MYCBP2: variants seen among roughly 807,000 people sequenced by gnomAD.
MYCBP2 encodes E3 ubiquitin-protein ligase MYCBP2.
A neutral mutation model predicts 525.3 loss-of-function variants in MYCBP2; 120 were observed. That is an observed-to-expected ratio of 0.23 (90% CI 0.20 to 0.27). The LOEUF (loss-of-function observed/expected upper bound fraction) is 0.27, where lower values mean the gene tolerates loss of function less well. Among genes scored for constraint, MYCBP2 ranks in the 10% least tolerant of loss-of-function variants. The pLI is 1.00. For missense variants in MYCBP2, 4,149 were observed against 5,657.1 expected, an observed-to-expected ratio of 0.73 and a Z score of 8.55; for synonymous variants, 1,894 against 1,955.8, an observed-to-expected ratio of 0.97 and a Z score of 0.83.
At chr13:77,176,443 T>A (rs1451016768) in intron 36 of MYCBP2, 54 bp downstream of exon 36, 3 of 1,445,646 alleles carry the variant, frequency 2.1e-6, no homozygotes, top group Non-Finnish European at 2.8e-6. Flanking sequence ...CTTCACTATT[T>A]TAACTACATA....
chr13:77,229,230 C>A (rs936009810), intron 18 of MYCBP2, among the ~76,000 whole-genome samples: 1 of 152,078 alleles, frequency 6.6e-6, no homozygotes, highest in Non-Finnish European at 1.5e-5. Context: ...TCATCAGGTT[C>A]CTATGAGAAT....
chr13:77,158,118 T>TA lies in MYCBP2; in HGVS notation c.6598-10dup. The TA allele has an allele frequency of 6.6e-7, 1 of 1,520,600 alleles. No individual in the cohort carries two copies. The highest frequency in any genetic ancestry group is 1.8e-4 in the Middle Eastern group (1 of 5,702). The allele number at this position is 1,520,600 out of a possible 1,614,324, so 94.2% of individuals were successfully genotyped here. On this transcript the variant is annotated splice_polypyrimidine_tract_variant and intron_variant, in intron 44 of 82. Coordinates refer to ENST00000544440, the MANE Select transcript of MYCBP2 (RefSeq NM_015057.5). Reference sequence around the variant, plus strand: ...GAATGGGTTTTGCACACCTGTTAAGTAAAAAAGAATATTTATATATTCTTA... The same window carrying TA: ...GAATGGGTTTTGCACACCTGTTAAGTAAAAAAAGAATATTTATATATTCTTA...
intron 20 of MYCBP2, among the ~76,000 whole-genome samples, chr13:77,222,935 T>C (rs570290561): frequency 6.6e-6 from 1 of 152,284 alleles, no homozygotes; most frequent in African/African-American, 2.4e-5. Context: ...GCATATACAC[T>C]GTGACTGCGA....
intron 2 of MYCBP2, among the ~76,000 whole-genome samples, chr13:77,291,363 A>T (rs2154361681): frequency 6.6e-6 from 1 of 152,362 alleles, no homozygotes; most frequent in East Asian, 1.9e-4. Context: ...AAATTTAAAA[A>T]GCGAATACCA....
At chr13:77,103,198 T>G in intron 55 of MYCBP2, 1 of 397,746 alleles carries the variant, frequency 2.5e-6, no homozygotes, top group African/African-American at 2.1e-5. Flanking sequence ...CATGAATGCA[T>G]GTATACCCAC....
At chr13:77,252,019 C>T (rs73223424) in intron 14 of MYCBP2, among the ~76,000 whole-genome samples, 3,392 of 152,280 alleles carry the variant, frequency 0.022, 58 homozygotes, top group Middle Eastern at 0.075. Context: ...AAAAATTCAG[C>T]TCAGAAGTCA....
At chr13:77,248,486 T>A (rs1433180992) in intron 15 of MYCBP2, among the ~76,000 whole-genome samples, 1 of 152,104 alleles carries the variant, frequency 6.6e-6, no homozygotes, top group Non-Finnish European at 1.5e-5. Context: ...TCTCCAAAGA[T>A]CTACAAATGG....
At chr13:77,235,785 A>G (rs994544664) in intron 17 of MYCBP2, among the ~76,000 whole-genome samples, 3 of 152,160 alleles carry the variant, frequency 2.0e-5, no homozygotes, top group African/African-American at 7.2e-5. Context: ...CACAAACTAG[A>G]GGAGAAGCTA....
intron 1 of MYCBP2, among the ~76,000 whole-genome samples, chr13:77,318,152 TC>T: frequency 6.6e-6 from 1 of 152,100 alleles, no homozygotes; most frequent in East Asian, 1.9e-4. Flanking sequence ...TGAATCATGG[TC>T]CTTTCCACTG....
chr13:77,257,833 T>C lies in MYCBP2; in HGVS notation c.2018-4A>G, dbSNP rs199897420. 3 of 1,595,942 alleles carry C rather than the reference T, an allele frequency of 1.9e-6. No homozygotes were observed. Among genetic ancestry groups the C allele is most frequent in the Non-Finnish European group, 2.6e-6 (3 of 1,175,156 alleles). On this transcript the variant is annotated splice_region_variant and splice_polypyrimidine_tract_variant and intron_variant, in intron 13 of 82. Transcript: ENST00000544440. ...CCCTTCAAATCAGTTACCAAACCTA[T>C]AGGAAAGAAACAAATTTAGTAAAAA...
Position 77,251,299 on chromosome 13 carries a change from C to G in MYCBP2, c.2233G>C (p.Asp745His). 1 of 1,614,214 alleles carries G rather than the reference C, an allele frequency of 6.2e-7. No individual in the cohort carries two copies. Among genetic ancestry groups the G allele is most frequent in the Non-Finnish European group, 8.5e-7 (1 of 1,180,042 alleles). The change falls in exon 15 of 83, where the codon GAT becomes CAT. Residue 745 changes from aspartate to histidine, a missense_variant. Asp to His is a moderately conservative substitution (Grantham distance 81). Coordinates refer to ENST00000544440, the MANE Select transcript of MYCBP2 (RefSeq NM_015057.5). ...ATCATAGACTTCTCATCTTTTTCAT[C>G]TAGTTCTTCTTCCAGGTCTTCATCC... The part of the protein sequence containing the change: ...AMDEDLEEEL[D>H]EKDEKSMMCP...
rs368205988 is a variant in MYCBP2 at position 77,156,181 on chromosome 13, A to G, written c.6792T>C (p.Tyr2264=). 2 of 1,613,656 alleles carry G rather than the reference A, an allele frequency of 1.2e-6. No homozygotes were observed. Among genetic ancestry groups the G allele is most frequent in the African/African-American group, 1.3e-5 (1 of 74,940 alleles). ...RLARWLQPDS[Y]ADPQKTSLIL... is the part of the protein sequence containing the mutation. ...TCAAAGATGTTTTCTGAGGATCCGC[A>G]TATGAATCTGGCTGAAGCCACCTAA... Residue 2264 remains tyrosine, a synonymous_variant, in exon 46 of 83, where the codon TAT becomes TAC. Coordinates refer to ENST00000544440, the MANE Select transcript of MYCBP2 (RefSeq NM_015057.5).
Position 77,140,103 on chromosome 13 carries a change from G to GA in MYCBP2, c.7461dup (p.Gln2488SerfsTer3). The GA allele has an allele frequency of 6.2e-7, 1 of 1,613,384 alleles. No homozygotes were observed. Among genetic ancestry groups the GA allele is most frequent in the Non-Finnish European group, 8.5e-7 (1 of 1,179,832 alleles). Reference sequence around the variant, plus strand: ...TTCACTATGCCTATCTGCTCACTCTGAAGGGAAGGGTGGCTACGGATGCGA... The same window carrying GA: ...TTCACTATGCCTATCTGCTCACTCTGAAAGGGAAGGGTGGCTACGGATGCGA... On this transcript the variant is annotated frameshift_variant, in exon 51 of 83. Coordinates refer to ENST00000544440, the MANE Select transcript of MYCBP2 (RefSeq NM_015057.5). LOFTEE classifies it high-confidence loss of function.
chr13:77,094,953 G>T (rs1250737159), intron 58 of MYCBP2, among the ~76,000 whole-genome samples: 3 of 152,142 alleles, frequency 2.0e-5, no homozygotes, highest in Non-Finnish European at 2.9e-5. Context: ...CTAGCACAAG[G>T]CTGGTAGGTG....
intron 16 of MYCBP2, among the ~76,000 whole-genome samples, 186 bp downstream of exon 16, chr13:77,243,620 G>GA (rs68189974): frequency 0.22 from 24,569 of 109,914 alleles, 2,153 homozygotes; most frequent in South Asian, 0.45. Context: ...CTCAAAAAAA[G>GA]AAAAAAAAAA....
rs147075646 is a variant in MYCBP2 at position 77,098,990 on chromosome 13, A to G, written c.8164T>C (p.Ser2722Pro). 31 of 1,608,290 alleles carry G rather than the reference A, an allele frequency of 1.9e-5. No individual in the cohort carries two copies. In the African/African-American group the frequency reaches 3.6e-4, roughly 19 times the overall value. The change falls in exon 56 of 83, where the codon TCT becomes CCT. Residue 2722 changes from serine to proline, a missense_variant. Around this residue, in one of 21 missense-constraint regions of MYCBP2, gnomAD observed 653 missense variants for 744.7 expected, o/e 0.88. Coordinates refer to ENST00000544440, the MANE Select transcript of MYCBP2 (RefSeq NM_015057.5). ...CCTGATGTAGAGGCTGGTTTAGAAG[A>G]TGTTGAGATGTTTCCTCGATCACCT... ...SKGDRGNIST[S>P]SKPASTSGKS...
At chr13:77,296,456 G>A (rs2154366473) in intron 2 of MYCBP2, 143 bp downstream of exon 2, 2 of 851,408 alleles carry the variant, frequency 2.3e-6, no homozygotes, top group Admixed American at 4.1e-5. Flanking sequence ...AACTAAAAGA[G>A]GAACCAAATC....
At chr13:77,076,689 TTATTTC>T (rs1239370971) in intron 68 of MYCBP2, 56 bp downstream of exon 68, 1 of 1,002,530 alleles carries the variant, frequency 1.0e-6, no homozygotes, top group African/African-American at 1.6e-5. Flanking sequence ...AATAAATGAA[TTATTTC>T]ACTGAAAAAA....
At chr13:77,210,866 A>G (rs1175232867) in intron 23 of MYCBP2, among the ~76,000 whole-genome samples, 1 of 152,210 alleles carries the variant, frequency 6.6e-6, no homozygotes. Context: ...CTGTAGTATT[A>G]GCATCCCCAT....
Sources: gnomAD v4.1 joint callset for allele counts (sites outside exome capture counted in the v4.1 genomes callset) on GRCh38, gnomAD v4.1.1 for gene constraint, gnomAD v4.1.1 regional missense constraint, MANE v1.5 for transcripts, NCBI Gene and HGNC (gene_info 2026-07-23, HGNC 2026-07-21) for gene names.